ACACB: variants seen among roughly 807,000 people sequenced by gnomAD.
The protein encoded by ACACB is acetyl-CoA carboxylase 2.
Under a neutral mutation model 278.8 loss-of-function variants are expected in ACACB, and 209 were observed. The ratio of observed to expected loss-of-function variants is 0.75; its 90% CI spans 0.67 to 0.84. ACACB has a LOEUF of 0.84. ACACB is among the 40% of genes least tolerant of loss of function. The pLI is 0.00. For synonymous variants in ACACB, 1,174 were observed against 1,285.6 expected (o/e 0.91, Z 1.86); for missense variants, 2,850 against 3,269.0 (o/e 0.87, Z 3.13).
intron 50 of ACACB, among the ~76,000 whole-genome samples, chr12:109,264,837 G>C (rs576513113): frequency 3.0e-4 from 46 of 152,244 alleles, no homozygotes; most frequent in African/African-American, 1.0e-3. Flanking sequence ...TGCCTCACAC[G>C]AGCCTGTGTT....
In ACACB at chr12:109,260,562, C is replaced by T. The variant is rs1394057140; in HGVS notation, c.6579C>T (p.Ile2193=). The T allele has an allele frequency of 2.4e-5, 38 of 1,614,018 alleles. No individual in the cohort carries two copies. Among genetic ancestry groups the T allele is most frequent in the Non-Finnish European group, 2.9e-5 (34 of 1,180,012 alleles). Residue 2193 remains isoleucine (I), a synonymous_variant, in exon 48 of 53, where the codon ATC becomes ATT. Coordinates refer to ENST00000338432, the MANE Select transcript of ACACB (RefSeq NM_001093.4). ...RQYKQPILIY[I]PPYAELRGGS... ...ACAAACAGCCCATCCTGATCTATATCCCGCCCTATGCGGAGCTCCGGGGAG... is the reference window on the plus strand; with the variant it reads ...ACAAACAGCCCATCCTGATCTATATTCCGCCCTATGCGGAGCTCCGGGGAG...
At chr12:109,210,223 GTGTGTATA>G (rs1488235940) in intron 21 of ACACB, among the ~76,000 whole-genome samples, 2 of 10,160 alleles carry the variant, frequency 2.0e-4, no homozygotes, top group African/African-American at 7.3e-4. Flanking sequence ...ATACACACAT[GTGTGTATA>G]TGTATATATG....
Position 109,262,492 on chromosome 12 carries a change from A to G in ACACB, c.6787+23A>G, listed in dbSNP as rs1439755941. On this transcript the variant is annotated intron_variant, in intron 49 of 52. Coordinates refer to ENST00000338432, the MANE Select transcript of ACACB (RefSeq NM_001093.4). ...TAGGTAAGGGGGTCCCAAAGGCTTC[A>G]CCTCTCAGAGGTCAAGAGAGGCCCA... The G allele has an allele frequency of 2.5e-6, 4 of 1,569,720 alleles. No homozygotes were observed. In the Admixed American group the frequency reaches 6.8e-5, roughly 27 times the overall value.
At chr12:109,133,790 A>C (rs1415553529) in intron 1 of ACACB, among the ~76,000 whole-genome samples, 1 of 142,490 alleles carries the variant, frequency 7.0e-6, no homozygotes, top group Non-Finnish European at 1.5e-5. Flanking sequence ...TTAAAAATCA[A>C]AATTCCAGCT....
chr12:109,133,802 G>A (rs2135992263), intron 1 of ACACB, among the ~76,000 whole-genome samples: 1 of 126,904 alleles, frequency 7.9e-6, no homozygotes, highest in South Asian at 2.4e-4. Context: ...ATTCCAGCTT[G>A]GTTCAAGACA....
intron 15 of ACACB, among the ~76,000 whole-genome samples, chr12:109,192,979 T>C (rs1272631472): frequency 6.6e-6 from 1 of 152,142 alleles, no homozygotes; most frequent in Non-Finnish European, 1.5e-5. Flanking sequence ...ATGTTTTTAG[T>C]GTTTGGTTAT....
At chr12:109,185,550 A>G in intron 11 of ACACB, 29 bp from the exon 12 acceptor site, 4 of 1,611,814 alleles carry the variant, frequency 2.5e-6, no homozygotes, top group Non-Finnish European at 3.4e-6. Flanking sequence ...TAGGACTGAC[A>G]GTCTGTGGGT....
intron 20 of ACACB, 90 bp downstream of exon 20, chr12:109,206,946 A>G: frequency 1.4e-6 from 2 of 1,416,716 alleles, no homozygotes; most frequent in Middle Eastern, 3.7e-4. Context: ...TTGAGTAAGA[A>G]ATGAGAAAAT....
Position 109,253,168 on chromosome 12 carries a change from T to TC in ACACB, c.6045+15dup, listed in dbSNP as rs760260659. ...GTCCTATATGCCAAAGGTGCAGTAC[T>TC]CCCCCTGCAGCTTAGAACCTGGAAG... On this transcript the variant is annotated intron_variant, in intron 43 of 52. Transcript: ENST00000338432. 11 of 1,546,912 alleles carry TC rather than the reference T, an allele frequency of 7.1e-6. No homozygotes were observed. The highest frequency in any genetic ancestry group is 9.6e-6 in the Non-Finnish European group (11 of 1,140,854).
chr12:109,181,688 A>G (rs1565895246), intron 11 of ACACB, among the ~76,000 whole-genome samples: 1 of 152,072 alleles, frequency 6.6e-6, no homozygotes, highest in African/African-American at 2.4e-5. Context: ...TAGGATTGCT[A>G]GATTGGTAGT....
chr12:109,227,808 A>G (rs1463318022), intron 28 of ACACB, among the ~76,000 whole-genome samples: 43 of 152,094 alleles, frequency 2.8e-4, no homozygotes, highest in Non-Finnish European at 2.9e-5. Context: ...CGAGGCGGGC[A>G]GATCACTTGA....
chr12:109,141,227 T>TGACAACTGAAAAACC (rs1197355014), intron 2 of ACACB, among the ~76,000 whole-genome samples: 1 of 152,092 alleles, frequency 6.6e-6, no homozygotes, highest in Non-Finnish European at 1.5e-5. Flanking sequence ...AGCAGGTAAC[T>TGACAACTGAAAAACC]GACAACTGAA....
Position 109,245,745 on chromosome 12 carries a change from T to G in ACACB, c.5298T>G (p.Asn1766Lys). The G allele has an allele frequency of 6.2e-7, 1 of 1,613,890 alleles. No homozygotes were observed. The highest frequency in any genetic ancestry group is 1.1e-5 in the South Asian group (1 of 91,028). Residue 1766 changes from asparagine to lysine, a missense_variant, in exon 38 of 53, where the codon AAT becomes AAG. By Grantham distance (94) the Asn-to-Lys change is moderately conservative. Transcript: ENST00000338432. ...AGATGAACCGACTTCCTGGTGGAAA[T>G]GAGGTAATAGCTCAGCGGAGCCTAA... ...LVEMNRLPGGNEVGMVAFKMR... is the reference protein window; with the variant it reads ...LVEMNRLPGGKEVGMVAFKMR...
At position 109,179,312 on chromosome 12, in the gene ACACB, G is replaced by T; in HGVS notation, c.1647+15G>T. 2.5e-6 allele frequency: 4 copies of T among 1,609,424 alleles called. No homozygotes were observed. Among genetic ancestry groups the T allele is most frequent in the Non-Finnish European group, 3.4e-6 (4 of 1,178,346 alleles). On this transcript the variant is annotated intron_variant, in intron 10 of 52. Coordinates refer to ENST00000338432, the MANE Select transcript of ACACB (RefSeq NM_001093.4). The stretch of plus-strand genomic sequence containing the variant: ...TCATGGAGCAGGTACACTTCTCAGA[G>T]CCCAGGGGGCAGCTTCAGAGAGAGC...
At chr12:109,188,305 T>C in intron 13 of ACACB, 143 bp downstream of exon 13, 1 of 858,072 alleles carries the variant, frequency 1.2e-6, no homozygotes, top group East Asian at 3.0e-5. Context: ...CCTCTCAGCC[T>C]TTCTCCTTTT....
At chr12:109,161,008 A>G (rs1319408098) in intron 2 of ACACB, among the ~76,000 whole-genome samples, 1 of 152,212 alleles carries the variant, frequency 6.6e-6, no homozygotes, top group Non-Finnish European at 1.5e-5. Context: ...AAGCTGAACC[A>G]TCAAGCCAGC....
chr12:109,143,813 C>G (rs924799571), intron 2 of ACACB, among the ~76,000 whole-genome samples: 2 of 152,098 alleles, frequency 1.3e-5, no homozygotes, highest in Admixed American at 6.6e-5. Flanking sequence ...TGCCTGCTGC[C>G]TCTGGTGTTT....
At position 109,221,888 on chromosome 12, in the gene ACACB, T is replaced by TC. The variant is rs1260047540; in HGVS notation, c.3565-619_3565-618insC. 5.7e-4 allele frequency among the ~76,000 whole-genome samples: 82 copies of TC among 144,070 alleles called. 1 individual carries two copies. The highest frequency in any genetic ancestry group is 2.2e-3 in the African/African-American group (78 of 34,682). 94.5% of individuals were successfully genotyped at this position (144,070 alleles called of 152,430 possible). Reference sequence around the variant, plus strand: ...CCTGATAATCACTGACCTTTTTTTTTTTTTTTGGGGGGGAGACAGAGTCTG... The same window carrying TC: ...CCTGATAATCACTGACCTTTTTTTTTCTTTTTTGGGGGGGAGACAGAGTCTG... On this transcript the variant is annotated intron_variant, in intron 24 of 52. Transcript: ENST00000338432.
At chr12:109,146,539 C>T (rs1024909352) in intron 2 of ACACB, among the ~76,000 whole-genome samples, 1 of 152,154 alleles carries the variant, frequency 6.6e-6, no homozygotes, top group African/African-American at 2.4e-5. Context: ...CACTGGGTTC[C>T]CTCTGAACTG....
Sources: gnomAD v4.1 joint callset for allele counts (sites outside exome capture counted in the v4.1 genomes callset) on GRCh38, gnomAD v4.1.1 for gene constraint, MANE v1.5 for transcripts, NCBI Gene and HGNC (gene_info 2026-07-23, HGNC 2026-07-21) for gene names.